The following TEAD1 variants were observed in gnomAD, a reference collection of about 807,000 sequenced individuals.
TEAD1 encodes TEA domain transcription factor 1.
A neutral mutation model predicts 54.9 loss-of-function variants in TEAD1; 9 were observed. The observed-to-expected ratio is 0.16, with a 90% CI of 0.10 to 0.29. The LOEUF is 0.29. Among genes scored for constraint, TEAD1 ranks in the 10% least tolerant of loss-of-function variants. The pLI is 1.00. For synonymous variants in TEAD1, 200 were observed against 187.8 expected, an observed-to-expected ratio of 1.07 and a Z score of -0.53; for missense variants, 387 against 535.9, an observed-to-expected ratio of 0.72 and a Z score of 2.74.
chr11:12,826,252 C>T (rs908899550), intron 3 of TEAD1, among the ~76,000 whole-genome samples: 2 of 152,186 alleles, frequency 1.3e-5, no homozygotes, highest in Non-Finnish European at 1.5e-5. Flanking sequence ...TTAGGTTGAA[C>T]ATATTTTTAC....
chr11:12,794,679 T>C (rs11603665), intron 3 of TEAD1, among the ~76,000 whole-genome samples: 10,552 of 152,252 alleles, frequency 0.069, 516 homozygotes, highest in Non-Finnish European at 0.11. Flanking sequence ...GAGCCGGGCC[T>C]GTAACTGTTC....
At chr11:12,766,714 C>T (rs548750781) in intron 3 of TEAD1, among the ~76,000 whole-genome samples, 1 of 152,280 alleles carries the variant, frequency 6.6e-6, no homozygotes, top group South Asian at 2.1e-4. Flanking sequence ...ATTCTTTTCT[C>T]CTTAACTCAG....
chr11:12,690,699 A>G (rs550346080), intron 2 of TEAD1, among the ~76,000 whole-genome samples: 40 of 152,276 alleles, frequency 2.6e-4, no homozygotes, highest in African/African-American at 8.9e-4. Flanking sequence ...TTGATTGATG[A>G]TCTCTGCCTG....
At chr11:12,721,868 A>G (rs1221314512) in intron 2 of TEAD1, among the ~76,000 whole-genome samples, 1 of 152,214 alleles carries the variant, frequency 6.6e-6, no homozygotes, top group Non-Finnish European at 1.5e-5. Context: ...AGGACAGTGG[A>G]CGTATGAGTT....
intron 10 of TEAD1, among the ~76,000 whole-genome samples, chr11:12,909,783 T>G (rs1418668264): frequency 6.6e-6 from 1 of 152,216 alleles, no homozygotes; most frequent in East Asian, 1.9e-4. Context: ...ATTTGCACTT[T>G]ATAGTACCAT....
intron 3 of TEAD1, among the ~76,000 whole-genome samples, chr11:12,792,016 G>A (rs1158729909): frequency 6.6e-6 from 1 of 152,186 alleles, no homozygotes; most frequent in Non-Finnish European, 1.5e-5. Flanking sequence ...CTGGAACTAA[G>A]GATAGGTGGG....
chr11:12,931,187 C>A (rs1027489601), intron 12 of TEAD1, among the ~76,000 whole-genome samples: 14 of 152,200 alleles, frequency 9.2e-5, no homozygotes, highest in African/African-American at 3.1e-4. Context: ...CTCACCAGTG[C>A]CCCTGGATGG....
intron 3 of TEAD1, 113 bp from the exon 4 acceptor site, chr11:12,862,137 A>G: frequency 1.2e-6 from 1 of 800,754 alleles, no homozygotes; most frequent in East Asian, 2.7e-5. Context: ...ATTAGTAAAC[A>G]CATAGTTGTA....
At chr11:12,810,887 G>A in intron 3 of TEAD1, among the ~76,000 whole-genome samples, 1 of 152,212 alleles carries the variant, frequency 6.6e-6, no homozygotes, top group East Asian at 1.9e-4. Context: ...TGAGATGGTT[G>A]CTTTCATCTC....
intron 3 of TEAD1, among the ~76,000 whole-genome samples, chr11:12,771,736 A>G (rs1228350208): frequency 6.6e-6 from 1 of 152,212 alleles, no homozygotes; most frequent in Non-Finnish European, 1.5e-5. Flanking sequence ...GAGCCTCATC[A>G]TCAGAGAAGT....
intron 5 of TEAD1, chr11:12,865,147 A>G (rs1947592044): frequency 1.8e-6 from 1 of 549,484 alleles, no homozygotes; most frequent in Non-Finnish European, 3.3e-6. Flanking sequence ...TCCTAATAAC[A>G]ATGCAAATGC....
chr11:12,709,354 A>T (rs1219217047), intron 2 of TEAD1, among the ~76,000 whole-genome samples: 1 of 152,144 alleles, frequency 6.6e-6, no homozygotes, highest in East Asian at 1.9e-4. Flanking sequence ...AATAAAAAAA[A>T]AAAACCAGAA....
At chr11:12,792,010 A>G (rs889553440) in intron 3 of TEAD1, among the ~76,000 whole-genome samples, 1 of 152,210 alleles carries the variant, frequency 6.6e-6, no homozygotes, top group Non-Finnish European at 1.5e-5. Flanking sequence ...TCTTCCCTGG[A>G]ACTAAGGATA....
chr11:12,812,862 C>G (rs1333535332), intron 3 of TEAD1, among the ~76,000 whole-genome samples: 1 of 152,166 alleles, frequency 6.6e-6, no homozygotes, highest in African/African-American at 2.4e-5. Flanking sequence ...AGTGAGATTT[C>G]TAATACAGCA....
chr11:12,813,706 A>G lies in TEAD1; in HGVS notation c.203-48544A>G, dbSNP rs563117826. Among the ~76,000 whole-genome samples, 100 of 152,322 alleles carry G rather than the reference A, an allele frequency of 6.6e-4. 4 individuals are homozygous for G. The South Asian group carries it at 0.021, about 31-fold the overall frequency. On this transcript the variant is annotated intron_variant, in intron 3 of 12. Transcript: ENST00000527636. ...ATAAGGATTCATTGAGATGCTAACC[A>G]TGACACACTTGGCTCACAGTGGGTA...
At chr11:12,768,877 C>G (rs1945260058) in intron 3 of TEAD1, among the ~76,000 whole-genome samples, 1 of 152,216 alleles carries the variant, frequency 6.6e-6, no homozygotes, top group African/African-American at 2.4e-5. Context: ...TCACCTTCCA[C>G]TTAGCCTTTT....
intron 3 of TEAD1, among the ~76,000 whole-genome samples, chr11:12,775,440 A>G (rs1334552346): frequency 1.3e-5 from 2 of 152,188 alleles, no homozygotes; most frequent in African/African-American, 2.4e-5. Context: ...CCCCACCTCT[A>G]GAGCTTCAGT....
chr11:12,881,948 C>T lies in TEAD1; in HGVS notation c.565C>T (p.Pro189Ser), dbSNP rs765530388. ...CCCCATCCAGCCAGCGGTCACAGCC[C>T]CCATTCCAGGTGAGTGTCCCTGAAA... Residue 189 changes from proline to serine, a missense_variant, in exon 8 of 13, where the codon CCC (proline) becomes TCC (serine). Pro to Ser is a moderately conservative substitution (Grantham distance 74, BLOSUM62 -1). Transcript: ENST00000527636. 8 of 1,614,074 alleles carry T rather than the reference C, an allele frequency of 5.0e-6. No homozygotes were observed. The East Asian group carries it at 1.6e-4, about 31-fold the overall frequency.
intron 2 of TEAD1, among the ~76,000 whole-genome samples, chr11:12,696,641 C>T (rs189624849): frequency 3.3e-5 from 5 of 152,234 alleles, no homozygotes; most frequent in South Asian, 2.1e-4. Flanking sequence ...ATTCCCTTAC[C>T]GTTTTTTCCT....
Sources: allele counts gnomAD v4.1 joint callset (sites outside exome capture counted in the v4.1 genomes callset), GRCh38; gene constraint gnomAD v4.1.1; transcripts MANE v1.5; gene names NCBI Gene and HGNC (gene_info 2026-07-23, HGNC 2026-07-21).